The following ERN1 variants were observed in gnomAD, a reference collection of about 807,000 sequenced individuals.
ERN1 encodes endoplasmic reticulum to nucleus signaling 1, also known as serine/threonine-protein kinase/endoribonuclease IRE1.
ERN1 carries 39 observed loss-of-function variants against 113.1 expected under a neutral mutation model. That is an observed-to-expected ratio of 0.34 (90% confidence interval 0.27 to 0.45). The LOEUF is 0.45. Among genes scored for constraint, ERN1 ranks in the 20% least tolerant of loss-of-function variants. The pLI, the probability that ERN1 is intolerant of heterozygous loss-of-function variation, is 1.00. For missense variants in ERN1, 976 were observed against 1,274.8 expected, an observed-to-expected ratio of 0.77 and a Z score of 3.57; for synonymous variants, 507 against 515.9, an observed-to-expected ratio of 0.98 and a Z score of 0.23.
At chr17:64,106,715 TACACACACACACACACACAC>T (rs58544303) in intron 1 of ERN1, among the ~76,000 whole-genome samples, 6 of 103,386 alleles carry the variant, frequency 5.8e-5, no homozygotes, top group South Asian at 4.0e-4. Flanking sequence ...CAGGGTTTCT[TACACACACACACACACACAC>T]ACACACACAC....
intron 17 of ERN1, among the ~76,000 whole-genome samples, chr17:64,051,234 A>G (rs1912674406): frequency 6.6e-6 from 1 of 152,234 alleles, no homozygotes; most frequent in Non-Finnish European, 1.5e-5. Flanking sequence ...ACAATGTAGA[A>G]GAATTTCTAC....
rs1427661330 is a variant in ERN1 at position 64,054,583 on chromosome 17, G to A, written c.1764-144C>T. 2.0e-5 allele frequency: 20 copies of A among 1,010,794 alleles called. No homozygotes were observed. Among genetic ancestry groups the A allele is most frequent in the African/African-American group, 3.2e-5 (2 of 61,664 alleles). The allele number at this position is 1,010,794 out of a possible 1,614,324, so 62.6% of individuals were successfully genotyped here. A position where few individuals can be genotyped will look rare whatever the true frequency, so the allele number is the denominator to read the frequency against. On this transcript the variant is annotated intron_variant, in intron 14 of 21. Transcript: ENST00000433197. This position sits in a 1 kb window ranked among gnomAD's most constrained non-coding sequence, Gnocchi z 4.9. ...ACTGCCTGGTGGCCCCGGAATCATCGCTTGTCTCAGTGTGCAAGCTCCCTG... is the reference window on the plus strand; with the variant it reads ...ACTGCCTGGTGGCCCCGGAATCATCACTTGTCTCAGTGTGCAAGCTCCCTG...
chr17:64,075,366 A>C, intron 4 of ERN1, 119 bp from the exon 5 acceptor site: 1 of 832,768 alleles, frequency 1.2e-6, no homozygotes, highest in Non-Finnish European at 1.8e-6. Context: ...AGCACTTTGC[A>C]GATGAGAGTT....
chr17:64,125,564 C>T (rs1335093667), intron 1 of ERN1, among the ~76,000 whole-genome samples: 113 of 152,182 alleles, frequency 7.4e-4, no homozygotes, highest in Non-Finnish European at 1.8e-4. Flanking sequence ...TCTCAGCTCA[C>T]TGCAACCTCT....
intron 6 of ERN1, among the ~76,000 whole-genome samples, chr17:64,071,731 T>C (rs1002740085): frequency 1.3e-5 from 2 of 152,098 alleles, no homozygotes; most frequent in Non-Finnish European, 2.9e-5. Flanking sequence ...CAGGCAACTT[T>C]GAAATGAGAG....
intron 6 of ERN1, 100 bp from the exon 7 acceptor site, chr17:64,068,391 C>G: frequency 1.2e-6 from 1 of 840,126 alleles, no homozygotes; most frequent in Non-Finnish European, 2.0e-6. Flanking sequence ...CCTCCCTAAA[C>G]TGTAGGCCAA....
intron 1 of ERN1, among the ~76,000 whole-genome samples, chr17:64,114,106 T>G (rs1296103495): frequency 6.6e-6 from 1 of 150,556 alleles, no homozygotes; most frequent in Non-Finnish European, 1.5e-5. Context: ...CAAGGAGTGT[T>G]GAGTCAACAT....
Position 64,075,192 on chromosome 17 carries a change from T to A in ERN1, c.338A>T (p.Asp113Val). Residue 113 changes from aspartate (D) to valine (V), a missense_variant, in exon 5 of 22, where the codon GAT becomes GTT. This residue lies in a region of ERN1 where 459 missense variants were observed against 581.2 expected (regional missense o/e 0.79). Coordinates refer to ENST00000433197, the MANE Select transcript of ERN1 (RefSeq NM_001433.5). Reference protein sequence around the residue: ...LVQASPCRSSDGILYMGKKQD... With the variant: ...LVQASPCRSSVGILYMGKKQD... The stretch of plus-strand genomic sequence containing the variant: ...ACTCTTACCCATGTAGAGGATTCCA[T>A]CTGAACTTCGGCATGGGGATGCCTG... 6.5e-7 allele frequency: 1 copy of A among 1,537,334 alleles called. No individual in the cohort carries two copies. The highest frequency in any genetic ancestry group is 8.8e-7 in the Non-Finnish European group (1 of 1,141,572).
At chr17:64,058,116 G>T in intron 11 of ERN1, 123 bp from the exon 12 acceptor site, 1 of 767,442 alleles carries the variant, frequency 1.3e-6, no homozygotes. Context: ...GGTTTTATTT[G>T]TTTTAAGCTC....
intron 1 of ERN1, among the ~76,000 whole-genome samples, chr17:64,113,753 G>A (rs993962121): frequency 1.3e-5 from 2 of 151,928 alleles, no homozygotes; most frequent in South Asian, 2.1e-4. Flanking sequence ...GCGTGATCTC[G>A]GCCCACTGCA....
chr17:64,106,764 A>ACACACACACACAC (rs1555618810), intron 1 of ERN1, among the ~76,000 whole-genome samples: 15 of 115,080 alleles, frequency 1.3e-4, no homozygotes, highest in East Asian at 4.1e-4. Context: ...ACACACACAC[A>ACACACACACACAC]AGCTCGCTGT....
In ERN1 at chr17:64,079,692, C is replaced by G; in HGVS notation, c.252G>C (p.Thr84=). ...GGCCTTCATTATTCTTGCTTCCAAGCGTATACAGGCTGCCATCATTAGGAT... is the reference window on the plus strand; with the variant it reads ...GGCCTTCATTATTCTTGCTTCCAAGGGTATACAGGCTGCCATCATTAGGAT... ...LPDPNDGSLY[T]LGSKNNEGLT... The change falls in exon 4 of 22, where the codon ACG becomes ACC. Residue 84 remains threonine, a synonymous_variant. Coordinates refer to ENST00000433197, the MANE Select transcript of ERN1 (RefSeq NM_001433.5). The G allele has an allele frequency of 6.2e-7, 1 of 1,613,770 alleles. No homozygotes were observed. The highest frequency in any genetic ancestry group is 8.5e-7 in the Non-Finnish European group (1 of 1,179,730).
chr17:64,112,380 A>AG (rs1914696949), intron 1 of ERN1, among the ~76,000 whole-genome samples: 3 of 151,964 alleles, frequency 2.0e-5, no homozygotes, highest in Admixed American at 6.6e-5. Context: ...AAAAAAAAAA[A>AG]AAGAAGAAGA....
intron 2 of ERN1, among the ~76,000 whole-genome samples, chr17:64,095,146 G>A (rs141125309): frequency 5.3e-5 from 8 of 152,230 alleles, no homozygotes; most frequent in African/African-American, 1.9e-4. Context: ...GAATACTACT[G>A]GAAATTATTA....
rs571864553 is a variant in ERN1 at position 64,049,351 on chromosome 17, G to A, written c.2254-149C>T. 1.6e-4 allele frequency: 129 copies of A among 802,096 alleles called. No individual in the cohort carries two copies. In the African/African-American group the frequency reaches 2.0e-3, roughly 13 times the overall value. 49.7% of individuals were successfully genotyped at this position (802,096 alleles called of 1,614,324 possible). A position where few individuals can be genotyped will look rare whatever the true frequency, so the allele number is the denominator to read the frequency against. On this transcript the variant is annotated intron_variant, in intron 17 of 21. Transcript: ENST00000433197. This position sits in a 1 kb window ranked among gnomAD's most constrained non-coding sequence, Gnocchi z 4.7. The stretch of plus-strand genomic sequence containing the variant: ...ACATATGTGAGCTGCACAGAGCAGC[G>A]AGGGCTAACCTGCAGCACTGCATGG...
intron 3 of ERN1, chr17:64,080,452 T>G: frequency 3.6e-6 from 1 of 280,676 alleles, no homozygotes; most frequent in Non-Finnish European, 6.9e-6. Flanking sequence ...GCAGGTCACA[T>G]TCACCTTTTT....
intron 1 of ERN1, among the ~76,000 whole-genome samples, chr17:64,118,693 G>C (rs1914874358): frequency 6.6e-6 from 1 of 152,210 alleles, no homozygotes; most frequent in Non-Finnish European, 1.5e-5. Context: ...AAGATCCTCT[G>C]AGAAACAACT....
chr17:64,114,148 G>T (rs1914745472), intron 1 of ERN1, among the ~76,000 whole-genome samples: 1 of 150,236 alleles, frequency 6.7e-6, no homozygotes, highest in Non-Finnish European at 1.5e-5. Flanking sequence ...CTAATATACA[G>T]TAAGCATCAT....
intron 1 of ERN1, among the ~76,000 whole-genome samples, chr17:64,111,521 A>G (rs985703618): frequency 4.6e-5 from 7 of 152,086 alleles, no homozygotes; most frequent in African/African-American, 1.7e-4. Flanking sequence ...ATGCCCAGCT[A>G]ATTTTTTGTA....
Sources: allele counts gnomAD v4.1 joint callset (sites outside exome capture counted in the v4.1 genomes callset), GRCh38; gene constraint gnomAD v4.1.1; regional missense constraint gnomAD v4.1.1; non-coding constraint Gnocchi (gnomAD v3.1); transcripts MANE v1.5; gene names NCBI Gene and HGNC (gene_info 2026-07-23, HGNC 2026-07-21).